Variants in SLC4A8 observed in about 807,000 individuals in gnomAD.
The protein encoded by SLC4A8 is electroneutral sodium bicarbonate exchanger 1.
SLC4A8 carries 40 observed loss-of-function variants against 125.0 expected under a neutral mutation model. The ratio of observed to expected loss-of-function variants is 0.32; its 90% CI spans 0.25 to 0.42. The LOEUF (loss-of-function observed/expected upper bound fraction) is 0.42. Ranked by LOEUF, SLC4A8 falls within the 10% of genes least tolerant of loss-of-function variation. SLC4A8 has a pLI of 1.00. For synonymous variants in SLC4A8, 456 were observed against 476.0 expected, an observed-to-expected ratio of 0.96 and a Z score of 0.55; for missense variants, 863 against 1,355.1, an observed-to-expected ratio of 0.64 and a Z score of 5.70.
chr12:51,404,800 GC>G (rs1948456572), intron 1 of SLC4A8, among the ~76,000 whole-genome samples: 1 of 151,990 alleles, frequency 6.6e-6, no homozygotes, highest in Non-Finnish European at 1.5e-5. Flanking sequence ...CACTTTCTTT[GC>G]TTTCTCCTCC....
At chr12:51,420,826 T>G (rs1948773587), upstream of SLC4A8, among the ~76,000 whole-genome samples, 2 of 152,196 alleles carry the variant, frequency 1.3e-5, no homozygotes, top group Admixed American at 6.5e-5. Context: ...CACTGTGGAA[T>G]CATTTCATCT....
chr12:51,432,033 T>A lies in SLC4A8; in HGVS notation c.48+6998T>A, dbSNP rs539306983. On this transcript the variant is annotated intron_variant, in intron 1 of 24. Coordinates refer to ENST00000453097, the MANE Select transcript of SLC4A8 (RefSeq NM_001039960.3). Reference sequence around the variant, plus strand: ...TGAGATCTTAGCCTCAATTTAGAACTGTTTTGAGGATTAAGTGAGGCAACA... The same window carrying A: ...TGAGATCTTAGCCTCAATTTAGAACAGTTTTGAGGATTAAGTGAGGCAACA... Among the ~76,000 whole-genome samples the A allele has an allele frequency of 3.3e-5, 5 of 152,282 alleles. No homozygotes were observed. In the East Asian group the frequency reaches 9.6e-4, roughly 29 times the overall value.
chr12:51,442,318 C>T (rs1949626480), intron 2 of SLC4A8, among the ~76,000 whole-genome samples: 1 of 152,142 alleles, frequency 6.6e-6, no homozygotes, highest in Non-Finnish European at 1.5e-5. Context: ...GTCTCTCTAC[C>T]CTCTCATTGC....
intron 1 of SLC4A8, among the ~76,000 whole-genome samples, chr12:51,408,446 A>G (rs1246488133): frequency 6.6e-6 from 1 of 151,882 alleles, no homozygotes; most frequent in Non-Finnish European, 1.5e-5. Flanking sequence ...CATGCTGGCC[A>G]GGCTGGTCTC....
intron 16 of SLC4A8, among the ~76,000 whole-genome samples, chr12:51,478,856 C>T (rs1300747557): frequency 6.6e-6 from 1 of 152,192 alleles, no homozygotes; most frequent in Non-Finnish European, 1.5e-5. Context: ...ACCATGTGAG[C>T]CAGGGACGCA....
At chr12:51,473,833 A>G (rs1392971594) in intron 14 of SLC4A8, among the ~76,000 whole-genome samples, 8 of 152,234 alleles carry the variant, frequency 5.3e-5, no homozygotes. Context: ...AAGATAACTC[A>G]GTGTCAGAAA....
intron 1 of SLC4A8, among the ~76,000 whole-genome samples, chr12:51,429,971 T>A (rs1263081404): frequency 6.6e-6 from 1 of 151,584 alleles, no homozygotes; most frequent in Non-Finnish European, 1.5e-5. Flanking sequence ...CAGAAGGAAG[T>A]GTTGAAAGAG....
intron 5 of SLC4A8, among the ~76,000 whole-genome samples, chr12:51,457,124 A>G (rs1400246177): frequency 6.6e-6 from 1 of 152,216 alleles, no homozygotes; most frequent in Admixed American, 6.5e-5. Context: ...AGTGCTCAAT[A>G]GTTTCTATGC....
intron 1 of SLC4A8, among the ~76,000 whole-genome samples, chr12:51,427,676 TG>T (rs1949042174): frequency 1.3e-5 from 2 of 152,206 alleles, no homozygotes; most frequent in Admixed American, 1.3e-4. Flanking sequence ...CTAGGCTGTG[TG>T]GAGATGGGCC....
intron 1 of SLC4A8, 120 bp downstream of exon 1, chr12:51,425,155 G>C: frequency 6.9e-7 from 1 of 1,447,948 alleles, no homozygotes; most frequent in Non-Finnish European, 9.1e-7. Flanking sequence ...CTGAGGGCGA[G>C]GGGAGGCCAG....
intron 4 of SLC4A8, among the ~76,000 whole-genome samples, chr12:51,452,617 A>T (rs1025591514): frequency 2.0e-5 from 3 of 152,204 alleles, no homozygotes; most frequent in African/African-American, 7.2e-5. Flanking sequence ...AGTTTAGCAG[A>T]CATAGCATAG....
chr12:51,495,032 C>T lies in SLC4A8; in HGVS notation c.2857C>T (p.His953Tyr). The stretch of plus-strand genomic sequence containing the variant: ...GCGGCATGTGCCGCTGCGCAAAGTG[C>T]ACCTCTTCACCCTCATCCAGTTGAC... ...YLRHVPLRKV[H>Y]LFTLIQLTCL... is the part of the protein sequence containing the mutation. The change falls in exon 21 of 25, where the codon CAC (histidine) becomes TAC (tyrosine). Residue 953 changes from histidine to tyrosine, a missense_variant. Coordinates refer to ENST00000453097, the MANE Select transcript of SLC4A8 (RefSeq NM_001039960.3). The T allele has an allele frequency of 6.2e-7, 1 of 1,614,168 alleles. No homozygotes were observed. Among genetic ancestry groups the T allele is most frequent in the Non-Finnish European group, 8.5e-7 (1 of 1,179,940 alleles).
At chr12:51,463,341 C>G (rs1565795271) in intron 10 of SLC4A8, among the ~76,000 whole-genome samples, 1 of 151,932 alleles carries the variant, frequency 6.6e-6, no homozygotes, top group Non-Finnish European at 1.5e-5. Flanking sequence ...TGCCAAAGCC[C>G]CATTTTTCTC....
chr12:51,453,645 A>G lies in SLC4A8; in HGVS notation c.520A>G (p.Ile174Val). The G allele has an allele frequency of 6.2e-7, 1 of 1,614,206 alleles. No homozygotes were observed. The highest frequency in any genetic ancestry group is 1.3e-5 in the African/African-American group (1 of 75,058). The part of the protein sequence containing the change: ...HSLFELRSCL[I>V]NGTVLLDMHA... ...CCTGTTTGAGCTAAGGAGCTGCCTT[A>G]TTAATGGAACAGTCCTCCTGGATAT... Residue 174 changes from isoleucine to valine, a missense_variant, in exon 5 of 25, where the codon ATT becomes GTT. Ile to Val is a conservative substitution (Grantham distance 29). Coordinates refer to ENST00000453097, the MANE Select transcript of SLC4A8 (RefSeq NM_001039960.3).
Position 51,508,605 on chromosome 12 carries a change from A to G in SLC4A8, c.*1167A>G, listed in dbSNP as rs1217926469. On this transcript the variant is annotated 3_prime_UTR_variant, in exon 25 of 25. Coordinates refer to ENST00000453097, the MANE Select transcript of SLC4A8 (RefSeq NM_001039960.3). The stretch of plus-strand genomic sequence containing the variant: ...TTGGTTGACAAACATTCTGGCTCTC[A>G]GATGCAAAAAGTCACACTGGGAAAT... 2 of 152,678 alleles carry G rather than the reference A, an allele frequency of 1.3e-5. No homozygotes were observed. Among genetic ancestry groups the G allele is most frequent in the African/African-American group, 4.8e-5 (2 of 41,462 alleles). 9.5% of individuals were successfully genotyped at this position (152,678 alleles called of 1,614,324 possible). A position where few individuals can be genotyped will look rare whatever the true frequency, so the allele number is the denominator to read the frequency against.
upstream of SLC4A8, among the ~76,000 whole-genome samples, chr12:51,424,051 A>C (rs866213454): frequency 6.8e-5 from 3 of 44,020 alleles, no homozygotes; most frequent in Non-Finnish European, 1.6e-4. Context: ...AAAAAAAAAA[A>C]AACAAAAAAA....
At chr12:51,440,877 C>G in intron 2 of SLC4A8, 88 bp downstream of exon 2, 1 of 1,156,852 alleles carries the variant, frequency 8.6e-7, no homozygotes, top group East Asian at 2.6e-5. Context: ...AACTCTCTCA[C>G]TAGCTGTCAG....
chr12:51,503,491 G>A (rs572078592), intron 22 of SLC4A8, among the ~76,000 whole-genome samples: 6 of 152,238 alleles, frequency 3.9e-5, no homozygotes, highest in African/African-American at 1.2e-4. Flanking sequence ...GATTACAGGC[G>A]TGAGCCACCA....
At chr12:51,484,861 G>C (rs1245390710) in intron 16 of SLC4A8, among the ~76,000 whole-genome samples, 1 of 152,024 alleles carries the variant, frequency 6.6e-6, no homozygotes, top group East Asian at 1.9e-4. Context: ...GAGGGAGGTG[G>C]CCAATTTTAA....
Sources: gnomAD v4.1 joint callset for allele counts (sites outside exome capture counted in the v4.1 genomes callset) on GRCh38, gnomAD v4.1.1 for gene constraint, MANE v1.5 for transcripts, NCBI Gene and HGNC (gene_info 2026-07-23, HGNC 2026-07-21) for gene names.